PGM5: variants seen among roughly 807,000 people sequenced by gnomAD.
PGM5 encodes phosphoglucomutase 5.
Under a neutral mutation model 59.2 loss-of-function variants are expected in PGM5, and 23 were observed. The observed-to-expected ratio is 0.39, with a 90% CI of 0.28 to 0.55. PGM5 has a LOEUF of 0.55. Among genes scored for constraint, PGM5 ranks in the 20% least tolerant of loss-of-function variants. The pLI is 0.66. For synonymous variants in PGM5, 214 were observed against 286.0 expected (o/e 0.75, Z 2.54); for missense variants, 574 against 748.3 (o/e 0.77, Z 2.72).
intron 1 of PGM5, among the ~76,000 whole-genome samples, chr9:68,364,995 C>G (rs1554676546): frequency 6.6e-6 from 1 of 152,232 alleles, no homozygotes; most frequent in Non-Finnish European, 1.5e-5. Context: ...GAAACTTGCC[C>G]TAAGAATTTT....
intron 7 of PGM5, among the ~76,000 whole-genome samples, chr9:68,473,547 A>G (rs1824055414): frequency 1.3e-5 from 2 of 152,184 alleles, no homozygotes; most frequent in Non-Finnish European, 2.9e-5. Flanking sequence ...GGGGCTATCA[A>G]ATTGTGGAAA....
At chr9:68,412,851 A>C (rs1554681711) in intron 6 of PGM5, among the ~76,000 whole-genome samples, 4 of 152,226 alleles carry the variant, frequency 2.6e-5, no homozygotes, top group Non-Finnish European at 2.9e-5. Context: ...TAATAAATAG[A>C]ATGGTGCGGT....
At chr9:68,528,841 C>T (rs1031346230) in intron 10 of PGM5, among the ~76,000 whole-genome samples, 1 of 152,170 alleles carries the variant, frequency 6.6e-6, no homozygotes, top group Non-Finnish European at 1.5e-5. Flanking sequence ...ATCCATGCAC[C>T]ACTGAAAATC....
chr9:68,420,855 T>C (rs1823116269), intron 6 of PGM5, among the ~76,000 whole-genome samples: 3 of 152,220 alleles, frequency 2.0e-5, no homozygotes, highest in African/African-American at 7.2e-5. Flanking sequence ...TGTAAATGCC[T>C]CAATTGCCTC....
At chr9:68,410,202 G>T (rs1462909212) in intron 6 of PGM5, among the ~76,000 whole-genome samples, 1 of 152,230 alleles carries the variant, frequency 6.6e-6, no homozygotes, top group Non-Finnish European at 1.5e-5. Flanking sequence ...CATGGAAGTG[G>T]ATAGTTGACA....
At chr9:68,462,168 T>C (rs1474784521) in intron 6 of PGM5, among the ~76,000 whole-genome samples, 1 of 152,082 alleles carries the variant, frequency 6.6e-6, no homozygotes, top group Non-Finnish European at 1.5e-5. Context: ...TTTCTTTTTT[T>C]CCCTTCACAC....
At chr9:68,428,244 G>A (rs1176903604) in intron 6 of PGM5, among the ~76,000 whole-genome samples, 1 of 152,180 alleles carries the variant, frequency 6.6e-6, no homozygotes, top group Non-Finnish European at 1.5e-5. Flanking sequence ...CGCTGGGACT[G>A]AGCACTGTTT....
intron 10 of PGM5, among the ~76,000 whole-genome samples, chr9:68,511,581 T>C (rs1824751731): frequency 1.0e-5 from 1 of 99,984 alleles, no homozygotes; most frequent in Admixed American, 1.5e-4. Context: ...AGATGGAGTC[T>C]CACTCTGTCA....
intron 10 of PGM5, among the ~76,000 whole-genome samples, chr9:68,510,745 A>G (rs1824736253): frequency 1.3e-5 from 2 of 152,172 alleles, no homozygotes; most frequent in African/African-American, 4.8e-5. Flanking sequence ...TGGTTGGGTT[A>G]CACTTGGTTT....
intron 6 of PGM5, among the ~76,000 whole-genome samples, chr9:68,452,085 T>A (rs1183994726): frequency 1.3e-5 from 2 of 152,196 alleles, no homozygotes; most frequent in Non-Finnish European, 2.9e-5. Context: ...TTCCTCCTGC[T>A]CCATTCACCT....
intron 6 of PGM5, among the ~76,000 whole-genome samples, chr9:68,443,885 T>G (rs781981640): frequency 2.0e-5 from 3 of 152,176 alleles, no homozygotes; most frequent in Non-Finnish European, 4.4e-5. Flanking sequence ...GCAGATGTAG[T>G]GTACATCAGG....
chr9:68,498,436 A>C lies in PGM5; in HGVS notation c.1480-791A>C, dbSNP rs536065291. 8.5e-5 allele frequency: 13 copies of C among 152,276 alleles called. No homozygotes were observed. The South Asian group carries it at 2.7e-3, about 32-fold the overall frequency. 9.4% of individuals were successfully genotyped at this position (152,276 alleles called of 1,614,324 possible). A position where few individuals can be genotyped will look rare whatever the true frequency, so the allele number is the denominator to read the frequency against. ...CTGTGTCATCTTATGTTAAAAAAAA[A>C]TGCAGATTCACTGAGCCAGACAAAG... On this transcript the variant is annotated intron_variant, in intron 9 of 10. Transcript: ENST00000396396.
At chr9:68,526,528 T>C (rs1824977465) in intron 10 of PGM5, among the ~76,000 whole-genome samples, 1 of 152,244 alleles carries the variant, frequency 6.6e-6, no homozygotes, top group Admixed American at 6.5e-5. Context: ...CATATAAATG[T>C]ACATGCATTT....
intron 10 of PGM5, among the ~76,000 whole-genome samples, chr9:68,519,515 C>T (rs1264888662): frequency 1.3e-5 from 2 of 151,844 alleles, no homozygotes; most frequent in Non-Finnish European, 2.9e-5. Context: ...AAGGAAATTA[C>T]ATAACTTCTT....
At chr9:68,381,356 G>T (rs1822067204) in intron 2 of PGM5, among the ~76,000 whole-genome samples, 1 of 151,620 alleles carries the variant, frequency 6.6e-6, no homozygotes, top group South Asian at 2.1e-4. Flanking sequence ...AACACTTTAG[G>T]TATAGAAGGA....
rs78198675 is a variant in PGM5, at chr9:68,476,136, T to C, written c.1160-3282T>C. 2.1e-3 allele frequency among the ~76,000 whole-genome samples: 322 copies of C among 152,338 alleles called. 1 individual carries two copies. The highest frequency in any genetic ancestry group is 7.1e-3 in the African/African-American group (294 of 41,564). ...AGCTGGGTCGAAAGCTGCATGATAT[T>C]TTTAAAGACTGTTGATCATTATTGC... On this transcript the variant is annotated intron_variant, in intron 7 of 10. Transcript: ENST00000396396.
intron 1 of PGM5, chr9:68,357,839 C>T (rs62551272): frequency 3.3e-5 from 3 of 91,748 alleles, no homozygotes; most frequent in South Asian, 2.0e-4. Flanking sequence ...CCCTCTGCCC[C>T]GTGCCCTTTT....
rs1825052567 is a variant in PGM5 at position 68,529,791 on chromosome 9, G to C, written c.*135G>C. 1.9e-6 allele frequency: 1 copy of C among 530,880 alleles called. No individual in the cohort carries two copies. Among genetic ancestry groups the C allele is most frequent in the Admixed American group, 4.0e-5 (1 of 24,790 alleles). 32.9% of individuals were successfully genotyped at this position (530,880 alleles called of 1,614,324 possible). ...GATATTTTGCTTTTGGGGGATAGAG[G>C]GTGGGTGGGAAAAGAAAAAAAATCC... On this transcript the variant is annotated 3_prime_UTR_variant, in exon 11 of 11. Transcript: ENST00000396396.
intron 9 of PGM5, among the ~76,000 whole-genome samples, chr9:68,489,380 A>C (rs1374820702): frequency 6.6e-6 from 1 of 152,156 alleles, no homozygotes; most frequent in African/African-American, 2.4e-5. Flanking sequence ...TCAGGAGCAA[A>C]ATTTAAGCAA....
Sources: gnomAD v4.1 joint callset for allele counts (sites outside exome capture counted in the v4.1 genomes callset) on GRCh38, gnomAD v4.1.1 for gene constraint, MANE v1.5 for transcripts, NCBI Gene and HGNC (gene_info 2026-07-23, HGNC 2026-07-21) for gene names.